The following ELAPOR2 variants were observed in gnomAD, a reference collection of about 807,000 sequenced individuals.
ELAPOR2 encodes the protein endosome/lysosome-associated apoptosis and autophagy regulator family member 2.
A neutral mutation model predicts 120.7 loss-of-function variants in ELAPOR2; 89 were observed. The ratio of observed to expected loss-of-function variants is 0.74; its 90% CI spans 0.62 to 0.88. The LOEUF is 0.88. Ranked by LOEUF, ELAPOR2 falls within the 40% of genes least tolerant of loss-of-function variation. The pLI is 0.00. For synonymous variants in ELAPOR2, 444 were observed against 444.9 expected (o/e 1.00, Z 0.03); for missense variants, 1,134 against 1,251.6 (o/e 0.91, Z 1.42).
chr7:86,954,527 G>A (rs1398926308), intron 2 of ELAPOR2, among the ~76,000 whole-genome samples: 1 of 151,898 alleles, frequency 6.6e-6, no homozygotes, highest in Non-Finnish European at 1.5e-5. Context: ...AATAATAAAC[G>A]GATTTTCAAT....
intron 1 of ELAPOR2, among the ~76,000 whole-genome samples, chr7:86,975,521 T>G (rs1467532175): frequency 6.6e-6 from 1 of 152,234 alleles, no homozygotes; most frequent in Admixed American, 6.5e-5. Flanking sequence ...TAAAAGGTTT[T>G]CTTCTTAATC....
At chr7:86,908,618 G>C (rs1452372654) in intron 16 of ELAPOR2, 75 bp from the exon 17 acceptor site, 7 of 641,650 alleles carry the variant, frequency 1.1e-5, no homozygotes, top group South Asian at 2.1e-5. Flanking sequence ...GTTTTGAATA[G>C]AAAATAGCTT....
In ELAPOR2 at chr7:86,877,986, A is replaced by T. The variant is rs1799233118; in HGVS notation, c.*2485T>A. Reference sequence around the variant, plus strand: ...ATCCACAGAAGACATGTTCTCATCCATTGGAAAATTGATTTAAATACGTTT... The same window carrying T: ...ATCCACAGAAGACATGTTCTCATCCTTTGGAAAATTGATTTAAATACGTTT... On this transcript the variant is annotated 3_prime_UTR_variant, in exon 22 of 22. Coordinates refer to ENST00000450689, the MANE Select transcript of ELAPOR2 (RefSeq NM_001142749.3). 1.3e-5 allele frequency: 2 copies of T among 152,192 alleles called. No homozygotes were observed. Among genetic ancestry groups the T allele is most frequent in the Non-Finnish European group, 2.9e-5 (2 of 68,034 alleles). The allele number at this position is 152,192 out of a possible 1,614,324, so 9.4% of individuals were successfully genotyped here. A position where few individuals can be genotyped will look rare whatever the true frequency, so the allele number is the denominator to read the frequency against.
chr7:86,934,831 CT>C (rs1378996570), intron 8 of ELAPOR2, among the ~76,000 whole-genome samples: 8 of 151,992 alleles, frequency 5.3e-5, no homozygotes, highest in Non-Finnish European at 8.8e-5. Context: ...TACTCATGGT[CT>C]TTCCTTCCTC....
intron 21 of ELAPOR2, among the ~76,000 whole-genome samples, chr7:86,881,820 A>T (rs1434274202): frequency 6.6e-6 from 1 of 152,216 alleles, no homozygotes; most frequent in African/African-American, 2.4e-5. Flanking sequence ...ACTATTTTTT[A>T]AAATAAATGA....
At chr7:86,982,538 C>G (rs1633457) in intron 1 of ELAPOR2, among the ~76,000 whole-genome samples, 57,554 of 152,066 alleles carry the variant, frequency 0.38, 11,745 homozygotes, top group African/African-American at 0.53. Context: ...ATAACCAGGC[C>G]AACAGGGTCC....
At chr7:86,988,416 T>C (rs1297108651) in intron 1 of ELAPOR2, among the ~76,000 whole-genome samples, 1 of 152,144 alleles carries the variant, frequency 6.6e-6, no homozygotes, top group African/African-American at 2.4e-5. Context: ...TAATACAGTA[T>C]AACAACTATT....
chr7:86,949,443 G>C (rs1791142079), intron 2 of ELAPOR2, among the ~76,000 whole-genome samples: 1 of 152,154 alleles, frequency 6.6e-6, no homozygotes. Context: ...ACGTTCCATG[G>C]AGCCATTGGG....
Position 86,926,867 on chromosome 7 carries a change from A to T in ELAPOR2, c.1139T>A (p.Leu380His), listed in dbSNP as rs1176949314. 6.3e-7 allele frequency: 1 copy of T among 1,575,832 alleles called. No homozygotes were observed. The highest frequency in any genetic ancestry group is 2.3e-5 in the East Asian group (1 of 42,630). Residue 380 changes from leucine to histidine, a missense_variant, in exon 9 of 22, where the codon CTC becomes CAC. Transcript: ENST00000450689. ...WIEPKICREDLTDAIRLPPSG... is the reference protein window; with the variant it reads ...WIEPKICREDHTDAIRLPPSG... ...AGGGGGCAATCTAATAGCATCTGTG[A>T]GATCCTCCCGGCAGATTTTGGGCTC... is the stretch of plus-strand genomic sequence containing the variant.
intron 1 of ELAPOR2, among the ~76,000 whole-genome samples, chr7:87,037,672 A>T (rs1241113584): frequency 6.6e-6 from 1 of 152,136 alleles, no homozygotes; most frequent in East Asian, 1.9e-4. Flanking sequence ...TTCTAATTTG[A>T]TGTTAATAGC....
intron 10 of ELAPOR2, among the ~76,000 whole-genome samples, chr7:86,923,234 C>T (rs1357254916): frequency 6.6e-6 from 1 of 151,834 alleles, no homozygotes; most frequent in African/African-American, 2.4e-5. Context: ...GTTCAATATA[C>T]AGTAGGGTGT....
intron 1 of ELAPOR2, among the ~76,000 whole-genome samples, chr7:87,029,966 T>A (rs1406713713): frequency 6.6e-6 from 1 of 152,120 alleles, no homozygotes; most frequent in East Asian, 1.9e-4. Context: ...ACACCACTAA[T>A]AATTAGATGA....
chr7:86,979,708 C>A (rs1792398866), intron 1 of ELAPOR2, among the ~76,000 whole-genome samples: 1 of 152,144 alleles, frequency 6.6e-6, no homozygotes, highest in South Asian at 2.1e-4. Context: ...GAAGGCAAGA[C>A]AGAGGTAGTA....
At chr7:87,027,307 T>G (rs1019065035) in intron 1 of ELAPOR2, among the ~76,000 whole-genome samples, 1 of 152,162 alleles carries the variant, frequency 6.6e-6, no homozygotes, top group African/African-American at 2.4e-5. Flanking sequence ...GTGTTCATTT[T>G]ATATCAGAAA....
chr7:87,039,408 C>T (rs1391928252), intron 1 of ELAPOR2, among the ~76,000 whole-genome samples: 1 of 152,112 alleles, frequency 6.6e-6, no homozygotes, highest in African/African-American at 2.4e-5. Context: ...ACTCATTCTA[C>T]AAGGCTAATA....
intron 12 of ELAPOR2, among the ~76,000 whole-genome samples, chr7:86,917,372 G>A (rs917879255): frequency 2.6e-5 from 4 of 151,960 alleles, no homozygotes; most frequent in Non-Finnish European, 4.4e-5. Context: ...AGCCGAGATC[G>A]CACCACTGCA....
chr7:86,946,714 T>G (rs946215402), intron 3 of ELAPOR2, among the ~76,000 whole-genome samples: 3 of 152,108 alleles, frequency 2.0e-5, no homozygotes, highest in East Asian at 3.9e-4. Flanking sequence ...ACTGAGAAAA[T>G]TACACTAGAA....
chr7:87,013,810 T>G (rs1410873914), intron 1 of ELAPOR2, among the ~76,000 whole-genome samples: 2 of 152,210 alleles, frequency 1.3e-5, no homozygotes, highest in Non-Finnish European at 2.9e-5. Context: ...ATTCCATATT[T>G]GCAAATTTTA....
intron 1 of ELAPOR2, among the ~76,000 whole-genome samples, chr7:87,044,787 C>G (rs1484028120): frequency 6.6e-6 from 1 of 151,244 alleles, no homozygotes; most frequent in Non-Finnish European, 1.5e-5. Flanking sequence ...AGCTTCTGCA[C>G]AGCAAAAGAA....
Sources: gnomAD v4.1 joint callset for allele counts (sites outside exome capture counted in the v4.1 genomes callset) on GRCh38, gnomAD v4.1.1 for gene constraint, MANE v1.5 for transcripts, NCBI Gene and HGNC (gene_info 2026-07-23, HGNC 2026-07-21) for gene names.